IGFL2: variants seen among roughly 807,000 people sequenced by gnomAD.
IGFL2 encodes IGF like family member 2.
A neutral mutation model predicts 13.9 loss-of-function variants in IGFL2; 7 were observed. That is an observed-to-expected ratio of 0.51 (90% CI 0.29 to 0.95). The LOEUF (loss-of-function observed/expected upper bound fraction) is 0.95. Among genes scored for constraint, IGFL2 ranks in the 40% least tolerant of loss-of-function variants. IGFL2 has a pLI of 0.08. For synonymous variants in IGFL2, 55 were observed against 55.8 expected (o/e 0.99, Z 0.07); for missense variants, 138 against 147.8 (o/e 0.93, Z 0.34).
At chr19:46,081,241 G>A in the IGFL2 span, among the ~76,000 whole-genome samples, 5 of 152,050 alleles carry the variant, frequency 3.3e-5, no homozygotes, top group East Asian at 3.9e-4. Flanking sequence ...TCGTGATTGC[G>A]TTTTTATATG....
At chr19:46,207,998 C>T in the IGFL2 span, 16 of 152,154 alleles carry the variant, frequency 1.1e-4, no homozygotes, top group Admixed American at 3.3e-4. Context: ...CTTCAGCCAC[C>T]GCATCTTGGG....
chr19:46,106,935 G>C, the IGFL2 span, among the ~76,000 whole-genome samples: 2 of 152,120 alleles, frequency 1.3e-5, no homozygotes, highest in Non-Finnish European at 2.9e-5. Context: ...TTCGAAGGAG[G>C]CTATGAACTG....
At chr19:46,201,524 C>T in the IGFL2 span, among the ~76,000 whole-genome samples, 3 of 152,362 alleles carry the variant, frequency 2.0e-5, no homozygotes, top group East Asian at 1.9e-4. Flanking sequence ...CAAGCCTTTA[C>T]GCGTCCCCAA....
At chr19:46,171,172 C>CT in the IGFL2 span, among the ~76,000 whole-genome samples, 1 of 152,166 alleles carries the variant, frequency 6.6e-6, no homozygotes, top group East Asian at 1.9e-4. Context: ...CCATTTCTTT[C>CT]TTTTGTACTC....
upstream of IGFL2, among the ~76,000 whole-genome samples, chr19:46,147,467 G>A (rs1973199321): frequency 6.6e-6 from 1 of 152,162 alleles, no homozygotes; most frequent in South Asian, 2.1e-4. Flanking sequence ...TGACTGCCTA[G>A]GTCATAAGTC....
At chr19:46,114,221 AC>A in the IGFL2 span, among the ~76,000 whole-genome samples, 3 of 152,236 alleles carry the variant, frequency 2.0e-5, no homozygotes, top group African/African-American at 7.2e-5. Context: ...CCAAATACGT[AC>A]CCTAAACCAA....
chr19:46,209,898 C>A, the IGFL2 span: 5 of 152,000 alleles, frequency 3.3e-5, no homozygotes, highest in South Asian at 1.0e-3. Flanking sequence ...CAGATGATTG[C>A]CAAACATTGT....
chr19:46,152,404 G>A (rs1190128412), intron 1 of IGFL2, among the ~76,000 whole-genome samples: 1 of 151,950 alleles, frequency 6.6e-6, no homozygotes, highest in Non-Finnish European at 1.5e-5. Context: ...AGCTTCCTGA[G>A]CAGCTAGAAC....
the IGFL2 span, chr19:46,136,751 T>C: frequency 1.7e-6 from 1 of 590,834 alleles, no homozygotes; most frequent in South Asian, 1.4e-5. Flanking sequence ...TGGGTTAAGC[T>C]GTAAGTTTCG....
chr19:46,160,649 G>T lies in IGFL2; in HGVS notation c.109G>T (p.Ala37Ser). Residue 37 changes from alanine (A) to serine (S), a missense_variant, in exon 3 of 4, where the codon GCA becomes TCA. Coordinates refer to ENST00000377693, the MANE Select transcript of IGFL2 (RefSeq NM_001135113.2). ...CTCAGAACCATGGCTGTGCCAGCCGGCACCCAGGTGTGGAGACAAGATCTA... is the reference window on the plus strand; with the variant it reads ...CTCAGAACCATGGCTGTGCCAGCCGTCACCCAGGTGTGGAGACAAGATCTA... ...AGSEPWLCQP[A>S]PRCGDKIYNP... 5 of 1,614,074 alleles carry T rather than the reference G, an allele frequency of 3.1e-6. No individual in the cohort carries two copies. The South Asian group carries it at 4.4e-5, about 14-fold the overall frequency.
At chr19:46,099,536 T>TC in the IGFL2 span, among the ~76,000 whole-genome samples, 4 of 151,420 alleles carry the variant, frequency 2.6e-5, 1 homozygote, top group South Asian at 6.2e-4. Context: ...TTTCTTTCTT[T>TC]TTTTTTTTTT....
At chr19:46,185,197 G>A in the IGFL2 span, among the ~76,000 whole-genome samples, 1 of 152,132 alleles carries the variant, frequency 6.6e-6, no homozygotes, top group African/African-American at 2.4e-5. Flanking sequence ...CACTCTGTAG[G>A]TTGTCTGTTC....
chr19:46,208,458 T>G, the IGFL2 span: 1 of 152,122 alleles, frequency 6.6e-6, no homozygotes. Flanking sequence ...CAGTTTCTCT[T>G]TAGCTCAAGG....
the IGFL2 span, chr19:46,137,356 G>T: frequency 8.8e-7 from 1 of 1,135,490 alleles, no homozygotes; most frequent in South Asian, 1.2e-5. Flanking sequence ...TGATGAACCA[G>T]TTACAGACCT....
At chr19:46,119,991 A>G in the IGFL2 span, 2 of 341,182 alleles carry the variant, frequency 5.9e-6, no homozygotes, top group Middle Eastern at 1.8e-3. Context: ...TTAGGTGTTG[A>G]ACAGCTCGGT....
chr19:46,175,322 G>A, the IGFL2 span, among the ~76,000 whole-genome samples: 1 of 152,062 alleles, frequency 6.6e-6, no homozygotes, highest in African/African-American at 2.4e-5. Context: ...AGCTGACTCA[G>A]GACTACAAAG....
the IGFL2 span, among the ~76,000 whole-genome samples, chr19:46,112,687 C>G: frequency 6.6e-6 from 1 of 152,182 alleles, no homozygotes; most frequent in Non-Finnish European, 1.5e-5. Context: ...TTTCTAATAG[C>G]TTAAGCCTGC....
chr19:46,130,461 G>A, the IGFL2 span, among the ~76,000 whole-genome samples: 56 of 152,240 alleles, frequency 3.7e-4, no homozygotes, highest in African/African-American at 1.3e-3. Flanking sequence ...ATGAGTTAAA[G>A]AACATACCAT....
chr19:46,121,394 G>GAA, the IGFL2 span, among the ~76,000 whole-genome samples: 2,233 of 124,356 alleles, frequency 0.018, 119 homozygotes, highest in African/African-American at 0.056. Context: ...ATCCTGTCTT[G>GAA]AAAAAAAAAA....
Sources: allele counts gnomAD v4.1 joint callset (sites outside exome capture counted in the v4.1 genomes callset), GRCh38; gene constraint gnomAD v4.1.1; transcripts MANE v1.5; gene names NCBI Gene and HGNC (gene_info 2026-07-23, HGNC 2026-07-21).